Variants in RNF130 observed in about 807,000 individuals in gnomAD.
RNF130 encodes the protein ring finger protein 130.
Under a neutral mutation model 44.6 loss-of-function variants are expected in RNF130, and 21 were observed. The ratio of observed to expected loss-of-function variants is 0.47; its 90% CI spans 0.33 to 0.68. The LOEUF is 0.68. Among genes scored for constraint, RNF130 ranks in the 30% least tolerant of loss-of-function variants. The pLI, the probability that RNF130 is intolerant of heterozygous loss-of-function variation, is 0.02. For synonymous variants in RNF130, 214 were observed against 210.4 expected (o/e 1.02, Z -0.15); for missense variants, 479 against 560.6 (o/e 0.85, Z 1.47).
intron 3 of RNF130, among the ~76,000 whole-genome samples, chr5:179,994,442 A>T (rs1022894336): frequency 6.6e-6 from 1 of 152,046 alleles, no homozygotes; most frequent in Non-Finnish European, 1.5e-5. Context: ...TGTAAGTTGG[A>T]TTCCTATGTA....
At chr5:179,980,851 A>T (rs935457232) in intron 3 of RNF130, among the ~76,000 whole-genome samples, 1 of 152,178 alleles carries the variant, frequency 6.6e-6, no homozygotes, top group Non-Finnish European at 1.5e-5. Context: ...CACTGCTAGC[A>T]CTGCTTGGCA....
intron 3 of RNF130, among the ~76,000 whole-genome samples, chr5:179,996,080 T>C (rs1330919478): frequency 1.3e-5 from 2 of 152,242 alleles, no homozygotes; most frequent in Non-Finnish European, 2.9e-5. Context: ...CAATATTAAT[T>C]ATTCCTATCC....
intron 1 of RNF130, among the ~76,000 whole-genome samples, chr5:180,047,808 C>T (rs114502502): frequency 0.011 from 1,600 of 152,292 alleles, 13 homozygotes; most frequent in Middle Eastern, 0.02. Flanking sequence ...CCCAGCCAAG[C>T]GCTCTCCTCT....
At chr5:180,045,214 G>A (rs970834882) in intron 1 of RNF130, among the ~76,000 whole-genome samples, 2 of 152,192 alleles carry the variant, frequency 1.3e-5, no homozygotes, top group Non-Finnish European at 2.9e-5. Flanking sequence ...AGAATAGTAT[G>A]TAAATATTTA....
chr5:179,976,212 T>G (rs1217700026), intron 5 of RNF130, among the ~76,000 whole-genome samples: 1 of 152,094 alleles, frequency 6.6e-6, no homozygotes, highest in Non-Finnish European at 1.5e-5. Context: ...ACTGGAAAAG[T>G]CAACACTGAA....
At chr5:179,960,419 AG>A (rs1223040980) in intron 8 of RNF130, among the ~76,000 whole-genome samples, 38 of 152,384 alleles carry the variant, frequency 2.5e-4, no homozygotes, top group African/African-American at 8.9e-4. Flanking sequence ...TCCAAACACA[AG>A]GGCTTTTTGA....
At chr5:179,975,059 G>T (rs563145886) in intron 5 of RNF130, among the ~76,000 whole-genome samples, 1 of 152,386 alleles carries the variant, frequency 6.6e-6, no homozygotes, top group South Asian at 2.1e-4. Flanking sequence ...GCCAGGCGGG[G>T]AGGCTCTGTC....
At chr5:180,001,015 G>C (rs1201227384) in intron 3 of RNF130, among the ~76,000 whole-genome samples, 1 of 152,154 alleles carries the variant, frequency 6.6e-6, no homozygotes, top group Non-Finnish European at 1.5e-5. Flanking sequence ...TTTCTAGAGT[G>C]GCTCTCCTGG....
chr5:179,969,395 G>A (rs1190153333), intron 6 of RNF130, among the ~76,000 whole-genome samples: 1 of 151,720 alleles, frequency 6.6e-6, no homozygotes, highest in South Asian at 2.1e-4. Context: ...CAAACTTCAG[G>A]CTAAAGAACA....
chr5:180,054,498 G>A (rs1488247268), intron 1 of RNF130, among the ~76,000 whole-genome samples: 1 of 152,070 alleles, frequency 6.6e-6, no homozygotes, highest in Non-Finnish European at 1.5e-5. Flanking sequence ...ACCCTTTACT[G>A]AAAAGACTAT....
At chr5:179,991,925 C>T (rs1763091206) in intron 3 of RNF130, among the ~76,000 whole-genome samples, 1 of 152,030 alleles carries the variant, frequency 6.6e-6, no homozygotes, top group South Asian at 2.1e-4. Flanking sequence ...AACCTAGATG[C>T]TTTGCATGTA....
intron 1 of RNF130, among the ~76,000 whole-genome samples, chr5:180,067,104 T>C (rs1765126645): frequency 6.6e-6 from 1 of 152,160 alleles, no homozygotes; most frequent in Admixed American, 6.5e-5. Flanking sequence ...TCAGAAGTTA[T>C]CTAGTCTTGA....
chr5:179,963,624 C>A, intron 7 of RNF130, 60 bp from the exon 8 acceptor site: 1 of 1,145,462 alleles, frequency 8.7e-7, no homozygotes, highest in Non-Finnish European at 1.3e-6. Context: ...CAAATCGATG[C>A]CAACATTTCC....
chr5:180,051,646 ATGCACTTGTCAGCAGCCG>A (rs1245639853), intron 1 of RNF130, among the ~76,000 whole-genome samples: 1 of 152,178 alleles, frequency 6.6e-6, no homozygotes, highest in Non-Finnish European at 1.5e-5. Context: ...ACTGCAGCAG[ATGCACTTGTCAGCAGCCG>A]TCCATCATTG....
intron 5 of RNF130, among the ~76,000 whole-genome samples, chr5:179,975,217 T>G (rs1484686715): frequency 6.6e-6 from 1 of 152,236 alleles, no homozygotes; most frequent in African/African-American, 2.4e-5. Flanking sequence ...CAGAAGGAAT[T>G]CTGTAAGCGG....
At chr5:180,008,588 T>C (rs781215176) in intron 3 of RNF130, among the ~76,000 whole-genome samples, 4 of 152,004 alleles carry the variant, frequency 2.6e-5, no homozygotes, top group Non-Finnish European at 4.4e-5. Flanking sequence ...AACACTAAGA[T>C]AATAGTAAAA....
intron 3 of RNF130, among the ~76,000 whole-genome samples, chr5:179,985,768 A>G (rs770523351): frequency 1.2e-4 from 18 of 152,186 alleles, no homozygotes; most frequent in Non-Finnish European, 7.3e-5. Flanking sequence ...TTTGCACAAA[A>G]CAAATGCCTG....
At chr5:180,066,787 C>T (rs1765117625) in intron 1 of RNF130, among the ~76,000 whole-genome samples, 1 of 151,804 alleles carries the variant, frequency 6.6e-6, no homozygotes, top group Non-Finnish European at 1.5e-5. Context: ...GAGCCGAGAT[C>T]GCGCCATTGC....
intron 2 of RNF130, among the ~76,000 whole-genome samples, chr5:180,019,370 C>T (rs1300852557): frequency 6.9e-6 from 1 of 144,006 alleles, no homozygotes; most frequent in Non-Finnish European, 1.5e-5. Context: ...GGCGACAGAG[C>T]GAGACTCTGT....
Sources: gnomAD v4.1 joint callset for allele counts (sites outside exome capture counted in the v4.1 genomes callset) on GRCh38, gnomAD v4.1.1 for gene constraint, MANE v1.5 for transcripts, NCBI Gene and HGNC (gene_info 2026-07-23, HGNC 2026-07-21) for gene names.